AMMECR1: variants seen among roughly 807,000 people sequenced by gnomAD.
AMMECR1 encodes the protein AMMECR nuclear protein 1.
In AMMECR1, 3 loss-of-function variants were observed where a neutral mutation model predicts 22.5. The observed-to-expected ratio is 0.13, with a 90% CI of 0.06 to 0.35. The LOEUF is 0.35. AMMECR1 is among the 10% of genes least tolerant of loss of function. The pLI, the probability that AMMECR1 is intolerant of heterozygous loss-of-function variation, is 1.00. For missense variants in AMMECR1, 235 were observed against 278.7 expected, an observed-to-expected ratio of 0.84 and a Z score of 1.12; for synonymous variants, 130 against 116.7, an observed-to-expected ratio of 1.11 and a Z score of -0.74.
chrX:110,348,289 C>CTTTCTTT (rs2068198407), intron 2 of AMMECR1, among the ~76,000 whole-genome samples: 3 of 111,964 alleles, frequency 2.7e-5, no homozygotes, highest in African/African-American at 9.7e-5. Context: ...TCTTTCAACA[C>CTTTCTTT]TAGAACCCAC....
At chrX:110,247,612 GC>G (rs1451295029) in intron 2 of AMMECR1, among the ~76,000 whole-genome samples, 2 of 110,025 alleles carry the variant, frequency 1.8e-5, no homozygotes, top group Non-Finnish European at 3.8e-5. Context: ...AATCACTCGA[GC>G]CCTGGAGGCA....
At chrX:110,331,198 C>T (rs144160866) in intron 2 of AMMECR1, among the ~76,000 whole-genome samples, 1,378 of 108,989 alleles carry the variant, frequency 0.013, 20 homozygotes, top group African/African-American at 0.042. Flanking sequence ...TCCTTCAGGC[C>T]TCTATCCTCA....
intron 1 of AMMECR1, among the ~76,000 whole-genome samples, chrX:110,275,621 G>A (rs1222855064): frequency 1.8e-5 from 2 of 110,563 alleles, no homozygotes; most frequent in Non-Finnish European, 3.8e-5. Flanking sequence ...ACCTGAGGCC[G>A]GGAGTTCGAG....
chrX:110,333,838 C>A, intron 2 of AMMECR1, among the ~76,000 whole-genome samples: 1 of 105,994 alleles, frequency 9.4e-6, no homozygotes, highest in Middle Eastern at 4.7e-3. Flanking sequence ...GGGTGGGGGT[C>A]TGGGGGAGGG....
chrX:110,198,538 TGGC>T lies in AMMECR1; in HGVS notation c.981_983del (p.Pro328del). On this transcript the variant is annotated inframe_deletion, in exon 6 of 6. Transcript: ENST00000262844. ...CTCAGTGTCAGGAATAATGGTTGTA[TGGC>T]GGAAGGGGATGCCCAATGCCATTTT... The T allele has an allele frequency of 8.4e-7, 1 of 1,187,741 alleles. No individual in the cohort carries two copies.
intron 1 of AMMECR1, chrX:110,309,344 G>T (rs1226181891): frequency 8.9e-6 from 1 of 112,173 alleles, no homozygotes; most frequent in Non-Finnish European, 1.9e-5. Context: ...TGTTACTAAA[G>T]TTGTATGTAA....
At chrX:110,253,668 T>C (rs987333627) in intron 2 of AMMECR1, among the ~76,000 whole-genome samples, 1 of 112,133 alleles carries the variant, frequency 8.9e-6, no homozygotes, top group Non-Finnish European at 1.9e-5. Context: ...AAATCCAGTA[T>C]CATCTGAGAT....
chrX:110,438,967 C>T (rs1416605749), intron 1 of AMMECR1, among the ~76,000 whole-genome samples: 4 of 111,944 alleles, frequency 3.6e-5, no homozygotes, highest in Non-Finnish European at 7.5e-5. Flanking sequence ...TAGTATGGGT[C>T]GTGGCAGGTT....
At chrX:110,289,583 G>A (rs112447240) in intron 1 of AMMECR1, among the ~76,000 whole-genome samples, 1,969 of 112,177 alleles carry the variant, frequency 0.018, 39 homozygotes, top group African/African-American at 0.06. Flanking sequence ...ACAGGCCAAC[G>A]TTGATATGAA....
chrX:110,249,672 T>A (rs1438586251), intron 2 of AMMECR1, among the ~76,000 whole-genome samples: 3 of 111,790 alleles, frequency 2.7e-5, no homozygotes, highest in Non-Finnish European at 5.6e-5. Context: ...GAGGCCAAGG[T>A]GGGCAGATCA....
At chrX:110,222,274 T>C (rs1258974456) in intron 2 of AMMECR1, among the ~76,000 whole-genome samples, 4 of 87,558 alleles carry the variant, frequency 4.6e-5, no homozygotes, top group African/African-American at 8.5e-5. Flanking sequence ...CCATAAAAAA[T>C]GATGAGTTCA....
chrX:110,416,499 CG>C (rs1569425343), intron 2 of AMMECR1, among the ~76,000 whole-genome samples: 1 of 110,591 alleles, frequency 9.0e-6, no homozygotes, highest in Non-Finnish European at 1.9e-5. Context: ...ATCACTTGCC[CG>C]GGGTCACTCA....
intron 2 of AMMECR1, among the ~76,000 whole-genome samples, chrX:110,404,229 T>G (rs2068583118): frequency 8.9e-6 from 1 of 112,008 alleles, no homozygotes; most frequent in South Asian, 3.8e-4. Context: ...CTAATACCTT[T>G]AACCTTTTCC....
chrX:110,257,165 A>G (rs2067715027), intron 2 of AMMECR1, among the ~76,000 whole-genome samples: 1 of 112,294 alleles, frequency 8.9e-6, no homozygotes, highest in African/African-American at 3.2e-5. Context: ...AATTTCATAC[A>G]ATATTTGTGT....
At chrX:110,395,263 G>T (rs1428502023) in intron 2 of AMMECR1, among the ~76,000 whole-genome samples, 2 of 111,857 alleles carry the variant, frequency 1.8e-5, no homozygotes, top group East Asian at 2.8e-4. Context: ...CTGATCTTTT[G>T]TCTCAAAGCC....
At chrX:110,430,101 T>G (rs2068786182) in intron 1 of AMMECR1, among the ~76,000 whole-genome samples, 1 of 112,345 alleles carries the variant, frequency 8.9e-6, no homozygotes, top group Non-Finnish European at 1.9e-5. Context: ...GTTCTTCCAG[T>G]GAATTGTTTA....
At chrX:110,322,899 A>T (rs919713325), upstream of AMMECR1, among the ~76,000 whole-genome samples, 2 of 111,711 alleles carry the variant, frequency 1.8e-5, no homozygotes, top group African/African-American at 6.5e-5. Context: ...TAGTGCAGCT[A>T]ACCCTCCAAA....
chrX:110,290,995 C>T (rs1162220737), intron 1 of AMMECR1, among the ~76,000 whole-genome samples: 1 of 111,478 alleles, frequency 9.0e-6, no homozygotes, highest in East Asian at 2.8e-4. Context: ...TTCATGACAC[C>T]TCTTGAAGTA....
intron 2 of AMMECR1, among the ~76,000 whole-genome samples, chrX:110,388,019 G>T (rs1393110336): frequency 1.8e-5 from 2 of 109,453 alleles, no homozygotes; most frequent in Non-Finnish European, 3.8e-5. Context: ...CCGCCATCAC[G>T]CCCAGCTAAT....
Sources: gnomAD v4.1 joint callset for allele counts (sites outside exome capture counted in the v4.1 genomes callset) on GRCh38, gnomAD v4.1.1 for gene constraint, MANE v1.5 for transcripts, NCBI Gene and HGNC (gene_info 2026-07-23, HGNC 2026-07-21) for gene names.